Variants in API5 observed in about 807,000 individuals in gnomAD.
API5 encodes the protein apoptosis inhibitor 5.
API5 carries 6 observed loss-of-function variants against 71.9 expected under a neutral mutation model. The observed-to-expected ratio is 0.08, with a 90% CI of 0.05 to 0.16. The LOEUF (loss-of-function observed/expected upper bound fraction) is 0.16, where lower values mean the gene tolerates loss of function less well. Among genes scored for constraint, API5 ranks in the 10% least tolerant of loss-of-function variants. The probability of loss-of-function intolerance (pLI) is 1.00; values close to 1 mark genes in which losing one functional copy is unlikely to be tolerated. For missense variants in API5, 332 were observed against 612.8 expected (o/e 0.54, Z 4.84); for synonymous variants, 189 against 221.3 (o/e 0.85, Z 1.30).
chr11:43,325,401 G>A (rs1399724682), intron 6 of API5, among the ~76,000 whole-genome samples: 4 of 152,230 alleles, frequency 2.6e-5, no homozygotes, highest in Non-Finnish European at 5.9e-5. Flanking sequence ...CTCATTTTAA[G>A]AAGGGACAAG....
intron 6 of API5, among the ~76,000 whole-genome samples, chr11:43,324,669 C>G (rs546459732): frequency 6.6e-6 from 1 of 151,766 alleles, no homozygotes; most frequent in East Asian, 1.9e-4. Flanking sequence ...GTCCACAATT[C>G]ATTTATTTAT....
At chr11:43,316,310 A>G (rs1854667473) in intron 1 of API5, among the ~76,000 whole-genome samples, 1 of 152,078 alleles carries the variant, frequency 6.6e-6, no homozygotes, top group Non-Finnish European at 1.5e-5. Context: ...TTCAATAAAT[A>G]TTGTTAATGA....
intron 13 of API5, chr11:43,340,349 A>G (rs572751141): frequency 3.4e-4 from 57 of 166,710 alleles, no homozygotes; most frequent in Non-Finnish European, 6.2e-4. Context: ...TTAAATGACC[A>G]TGCTACCCAA....
chr11:43,337,026 A>G (rs896723038), intron 13 of API5, among the ~76,000 whole-genome samples: 1 of 151,512 alleles, frequency 6.6e-6, no homozygotes, highest in Non-Finnish European at 1.5e-5. Flanking sequence ...AAAAAAAAAA[A>G]AAAAAGACAA....
rs572435083 is a variant in API5, at chr11:43,328,759, T to C, written c.993T>C (p.Ala331=). The change falls in exon 9 of 14, where the codon GCT becomes GCC. Residue 331 remains alanine (A), a synonymous_variant. Transcript: ENST00000531273. ...AAGAGGCAGAAAATGGAGAGAATGC[T>C]GGTAATGAAGAACCCAAGCTACAGT... The part of the protein sequence containing the change: ...PPEEAENGEN[A]GNEEPKLQFS... 1 of 1,613,966 alleles carries C rather than the reference T, an allele frequency of 6.2e-7. No homozygotes were observed. Among genetic ancestry groups the C allele is most frequent in the African/African-American group, 1.3e-5 (1 of 75,050 alleles).
At chr11:43,320,122 T>G (rs1854821099) in intron 2 of API5, among the ~76,000 whole-genome samples, 1 of 148,912 alleles carries the variant, frequency 6.7e-6, no homozygotes, top group East Asian at 2.0e-4. Context: ...CTTGGCTCAC[T>G]GCAACCTCCG....
Position 43,327,776 on chromosome 11 carries a change from T to C in API5, c.856-13T>C, listed in dbSNP as rs756383574. 5 of 1,597,592 alleles carry C rather than the reference T, an allele frequency of 3.1e-6. No homozygotes were observed. In the South Asian group the frequency reaches 4.5e-5, roughly 14 times the overall value. Reference sequence around the variant, plus strand: ...TATTCAAAAAAACAGTAATAGTGAATTGTGTGTTTTAGGTATTGAAATTGT... The same window carrying C: ...TATTCAAAAAAACAGTAATAGTGAACTGTGTGTTTTAGGTATTGAAATTGT... On this transcript the variant is annotated splice_polypyrimidine_tract_variant and intron_variant, in intron 7 of 13. Transcript: ENST00000531273.
rs1420955613 is a variant in API5, at chr11:43,335,144, GT to G, written c.1279-131del. 8 of 676,982 alleles carry G rather than the reference GT, an allele frequency of 1.2e-5. No individual in the cohort carries two copies. The African/African-American group carries it at 1.3e-4, about 11-fold the overall frequency. 41.9% of individuals were successfully genotyped at this position (676,982 alleles called of 1,614,324 possible). ...GTGATTTGTAAACAAAATTGTTCCTGTTTAATTTTCTGTTGCAGTAAGCTCT... is the reference window on the plus strand; with the variant it reads ...GTGATTTGTAAACAAAATTGTTCCTGTTAATTTTCTGTTGCAGTAAGCTCT... On this transcript the variant is annotated intron_variant, in intron 11 of 13. Transcript: ENST00000531273.
At position 43,312,012 on chromosome 11, in the gene API5, C is replaced by T. The variant is rs368093818; in HGVS notation, c.-116C>T. ...CTGTGCGCGGTGACTGGCGGCTGCACTGGCGGCAGCTGGAGGTGTAATAGT... is the reference window on the plus strand; with the variant it reads ...CTGTGCGCGGTGACTGGCGGCTGCATTGGCGGCAGCTGGAGGTGTAATAGT... On this transcript the variant is annotated 5_prime_UTR_variant, in exon 1 of 14. Transcript: ENST00000531273. 1.7e-6 allele frequency: 2 copies of T among 1,185,518 alleles called. No individual in the cohort carries two copies. The highest frequency in any genetic ancestry group is 2.4e-6 in the Non-Finnish European group (2 of 833,722). The allele number at this position is 1,185,518 out of a possible 1,614,324, so 73.4% of individuals were successfully genotyped here.
At position 43,312,086 on chromosome 11, in the gene API5, G is replaced by A; in HGVS notation, c.-42G>A. 6.2e-7 allele frequency: 1 copy of A among 1,610,404 alleles called. No individual in the cohort carries two copies. Among genetic ancestry groups the A allele is most frequent in the Non-Finnish European group, 8.5e-7 (1 of 1,178,062 alleles). On this transcript the variant is annotated 5_prime_UTR_variant, in exon 1 of 14. Coordinates refer to ENST00000531273, the MANE Select transcript of API5 (RefSeq NM_001142930.2). ...TCCGAGGCGGCGGTGGCGCCGGTCA[G>A]GACAAGGATAGCGGAACCGGGCCCT...
At chr11:43,313,106 C>CAAA (rs34061133) in intron 1 of API5, among the ~76,000 whole-genome samples, 2 of 106,878 alleles carry the variant, frequency 1.9e-5, no homozygotes, top group Admixed American at 9.8e-5. Flanking sequence ...GACCCCGTCT[C>CAAA]AAAAAAAAAA....
chr11:43,313,153 A>G (rs1414591793), intron 1 of API5, among the ~76,000 whole-genome samples: 4 of 152,042 alleles, frequency 2.6e-5, no homozygotes, highest in Non-Finnish European at 5.9e-5. Context: ...CTTTTTAATG[A>G]AACATGTTTG....
intron 1 of API5, among the ~76,000 whole-genome samples, chr11:43,316,161 A>G (rs1342141738): frequency 6.6e-6 from 1 of 152,080 alleles, no homozygotes; most frequent in Non-Finnish European, 1.5e-5. Flanking sequence ...CCACTGACCA[A>G]CCAAGTTCGT....
chr11:43,340,545 G>A (rs1258742114), intron 13 of API5, among the ~76,000 whole-genome samples: 2 of 152,036 alleles, frequency 1.3e-5, no homozygotes, highest in Non-Finnish European at 2.9e-5. Flanking sequence ...AATCAAAAAT[G>A]TAGTAACCAA....
At position 43,335,881 on chromosome 11, in the gene API5, C is replaced by G; in HGVS notation, c.1379C>G (p.Thr460Arg). Residue 460 changes from threonine (T) to arginine (R), a missense_variant, in exon 13 of 14, where the codon ACA (threonine) becomes AGA (arginine). Physicochemically the swap from Thr to Arg is moderately conservative, Grantham distance 71. Around this residue, in one of 3 missense-constraint regions of API5, gnomAD observed 168 missense variants for 343.9 expected, o/e 0.49. Transcript: ENST00000531273. The stretch of plus-strand genomic sequence containing the variant: ...AGGCAAAAGAGAGCCAGTGAAGATA[C>G]AACTTCAGGTTCACCACCCAAGAAA... Reference protein sequence around the residue: ...EIGQKRASEDTTSGSPPKKSS... With the variant: ...EIGQKRASEDRTSGSPPKKSS... 1 of 1,611,218 alleles carries G rather than the reference C, an allele frequency of 6.2e-7. No individual in the cohort carries two copies.
At chr11:43,328,359 A>G (rs1296990434) in intron 8 of API5, among the ~76,000 whole-genome samples, 2 of 152,226 alleles carry the variant, frequency 1.3e-5, no homozygotes, top group African/African-American at 4.8e-5. Context: ...TCAGCATTTG[A>G]TGTCAAATCT....
chr11:43,312,077 C>G lies in API5; in HGVS notation c.-51C>G. 3.1e-6 allele frequency: 5 copies of G among 1,601,254 alleles called. No homozygotes were observed. Among genetic ancestry groups the G allele is most frequent in the Non-Finnish European group, 4.3e-6 (5 of 1,170,946 alleles). On this transcript the variant is annotated 5_prime_UTR_variant, in exon 1 of 14. Transcript: ENST00000531273. The stretch of plus-strand genomic sequence containing the variant: ...TGGAGAAGTTCCGAGGCGGCGGTGG[C>G]GCCGGTCAGGACAAGGATAGCGGAA...
chr11:43,331,880 A>G (rs767874674), intron 11 of API5, among the ~76,000 whole-genome samples: 24 of 152,234 alleles, frequency 1.6e-4, no homozygotes, highest in Admixed American at 4.6e-4. Flanking sequence ...AATGTTTCCA[A>G]TAGCTGCCAT....
chr11:43,317,231 AT>A (rs1854703140), intron 1 of API5, among the ~76,000 whole-genome samples: 1 of 152,182 alleles, frequency 6.6e-6, no homozygotes, highest in South Asian at 2.1e-4. Context: ...CAAACAATAT[AT>A]ATGTGTAGTC....
Sources: allele counts gnomAD v4.1 joint callset (sites outside exome capture counted in the v4.1 genomes callset), GRCh38; gene constraint gnomAD v4.1.1; regional missense constraint gnomAD v4.1.1; transcripts MANE v1.5; gene names NCBI Gene and HGNC (gene_info 2026-07-23, HGNC 2026-07-21).